Variants in TET3 observed in about 807,000 individuals in gnomAD.
TET3 encodes tet methylcytosine dioxygenase 3.
Under a neutral mutation model 141.4 loss-of-function variants are expected in TET3, and 19 were observed. That is an observed-to-expected ratio of 0.13 (90% CI 0.09 to 0.20). TET3 has a LOEUF of 0.20. Among genes scored for constraint, TET3 ranks in the 10% least tolerant of loss-of-function variants. The pLI is 1.00. For synonymous variants in TET3, 1,043 were observed against 980.9 expected (o/e 1.06, Z -1.18); for missense variants, 1,874 against 2,356.9 (o/e 0.80, Z 4.24).
chr2:74,047,468 G>A lies in TET3; in HGVS notation c.1551G>A (p.Glu517=). 1 of 1,612,488 alleles carries A rather than the reference G, an allele frequency of 6.2e-7. No individual in the cohort carries two copies. ...LQREAPTPSS[E]PDTHQKAQTA... ...GGGAGGCTCCCACGCCATCCTCGGAGCCCGACACCCACCAGAAGGCCCAGA... is the reference window on the plus strand; with the variant it reads ...GGGAGGCTCCCACGCCATCCTCGGAACCCGACACCCACCAGAAGGCCCAGA... The change falls in exon 4 of 12, where the codon GAG becomes GAA. Residue 517 remains glutamate, a synonymous_variant. Transcript: ENST00000409262.
Position 74,021,509 on chromosome 2 carries a change from A to G in TET3, c.360+18343A>G, listed in dbSNP as rs531144979. Among the ~76,000 whole-genome samples, 10 of 152,338 alleles carry G rather than the reference A, an allele frequency of 6.6e-5. No homozygotes were observed. In the South Asian group the frequency reaches 2.1e-3, roughly 32 times the overall value. ...TGCATATGGGAGGTGGGAAGAGACTACTGTCCCTGGTCAGCCTGTAAGAAC... is the reference window on the plus strand; with the variant it reads ...TGCATATGGGAGGTGGGAAGAGACTGCTGTCCCTGGTCAGCCTGTAAGAAC... On this transcript the variant is annotated intron_variant, in intron 3 of 11. Coordinates refer to ENST00000409262, the MANE Select transcript of TET3 (RefSeq NM_001287491.2).
At chr2:74,004,596 G>A (rs981357978) in intron 3 of TET3, among the ~76,000 whole-genome samples, 9 of 152,154 alleles carry the variant, frequency 5.9e-5, no homozygotes, top group East Asian at 1.9e-4. Flanking sequence ...AGGGGGCATC[G>A]GCTTCCCCGT....
chr2:73,997,590 G>A (rs1015890558), intron 2 of TET3, among the ~76,000 whole-genome samples: 5 of 152,088 alleles, frequency 3.3e-5, no homozygotes, highest in Admixed American at 6.6e-5. Flanking sequence ...TGTATCCTGG[G>A]TCCCAGGATC....
At chr2:74,092,027 G>A (rs928203481) in intron 8 of TET3, among the ~76,000 whole-genome samples, 1 of 152,188 alleles carries the variant, frequency 6.6e-6, no homozygotes, top group African/African-American at 2.4e-5. Flanking sequence ...ATTCAGGCCG[G>A]GCATTGTGGC....
At chr2:74,016,673 G>A (rs1228883653) in intron 3 of TET3, among the ~76,000 whole-genome samples, 1 of 151,908 alleles carries the variant, frequency 6.6e-6, no homozygotes, top group East Asian at 1.9e-4. Context: ...AGTGACCCAA[G>A]ATGGTGCCAC....
intron 10 of TET3, among the ~76,000 whole-genome samples, chr2:74,097,194 T>TGC (rs1690894573): frequency 1.7e-5 from 1 of 59,992 alleles, no homozygotes; most frequent in Non-Finnish European, 4.2e-5. Context: ...TAGCCATACA[T>TGC]GCACACACAC....
rs187528371 is a variant in TET3, at chr2:74,048,285, C to G, written c.2368C>G (p.Pro790Ala). The G allele has an allele frequency of 5.0e-6, 8 of 1,613,824 alleles. No individual in the cohort carries two copies. Among genetic ancestry groups the G allele is most frequent in the Middle Eastern group, 1.6e-4 (1 of 6,062 alleles). ...GGCCACACCCACCAAGGCTGAGAAC[C>G]CACTCACACCCACCCTCAGTGGCTT... ...QEATPTKAEN[P>A]LTPTLSGFLE... is the part of the protein sequence containing the mutation. The change falls in exon 4 of 12, where the codon CCA becomes GCA. Residue 790 changes from proline (P) to alanine (A), a missense_variant. Physicochemically the swap from Pro to Ala is conservative, Grantham distance 27. Coordinates refer to ENST00000409262, the MANE Select transcript of TET3 (RefSeq NM_001287491.2).
At position 73,992,505 on chromosome 2, in the gene TET3, G is replaced by C. The variant is rs186052561; in HGVS notation, c.303+5799G>C. Among the ~76,000 whole-genome samples the C allele has an allele frequency of 1.0e-3, 154 of 152,076 alleles. 2 individuals are homozygous for C. The highest frequency in any genetic ancestry group is 3.5e-3 in the African/African-American group (147 of 41,486). ...ATTTTTGTTTTTTTAGTAGAGAAGG[G>C]GGTTCACCATGTTCGCCAGGCTGGT... On this transcript the variant is annotated intron_variant, in intron 2 of 11. Transcript: ENST00000409262.
rs931524710 is a variant in TET3, at chr2:74,107,875, T to G, written c.*5699T>G. 2 of 152,344 alleles carry G rather than the reference T, an allele frequency of 1.3e-5. No individual in the cohort carries two copies. Among genetic ancestry groups the G allele is most frequent in the Non-Finnish European group, 2.9e-5 (2 of 68,044 alleles). The allele number at this position is 152,344 out of a possible 1,614,324, so 9.4% of individuals were successfully genotyped here. A position where few individuals can be genotyped will look rare whatever the true frequency, so the allele number is the denominator to read the frequency against. ...AGGATGTGTATTAAACTGTAGATAT[T>G]CTTAGTACAGTAAATTTATGCTGAT... On this transcript the variant is annotated 3_prime_UTR_variant, in exon 12 of 12. Coordinates refer to ENST00000409262, the MANE Select transcript of TET3 (RefSeq NM_001287491.2).
intron 10 of TET3, among the ~76,000 whole-genome samples, chr2:74,099,002 G>A (rs1022140086): frequency 5.9e-5 from 9 of 152,216 alleles, no homozygotes; most frequent in African/African-American, 2.2e-4. Flanking sequence ...TCCTGGCCAG[G>A]CCCCTTGCCA....
chr2:74,108,760 T>TC (rs1691634796), downstream of TET3, among the ~76,000 whole-genome samples: 1 of 152,190 alleles, frequency 6.6e-6, no homozygotes, highest in Admixed American at 6.5e-5. Context: ...TGCTTGCTCT[T>TC]CCTCCTTCCT....
intron 3 of TET3, among the ~76,000 whole-genome samples, chr2:74,008,177 C>T (rs1360842416): frequency 6.6e-6 from 1 of 152,180 alleles, no homozygotes; most frequent in Non-Finnish European, 1.5e-5. Flanking sequence ...CTCTTCTATA[C>T]CCTCCATCTT....
At chr2:74,109,036 A>ATGTT (rs1335706821), downstream of TET3, among the ~76,000 whole-genome samples, 11 of 151,990 alleles carry the variant, frequency 7.2e-5, no homozygotes, top group Admixed American at 6.6e-4. Context: ...ATCCTCAAAC[A>ATGTT]TGTTTATATG....
In TET3 at chr2:74,003,183, C is replaced by CGTGCGTGTGT. The variant is rs57360501; in HGVS notation, c.360+31_360+40dup. The stretch of plus-strand genomic sequence containing the variant: ...GCTGTCAAGGTACCTTGTGTGTGTG[C>CGTGCGTGTGT]GTGCGTGTGTGTGCGTGTGTGTGGT... On this transcript the variant is annotated intron_variant, in intron 3 of 11. Transcript: ENST00000409262. The CGTGCGTGTGT allele has an allele frequency of 1.3e-6, 2 of 1,549,168 alleles. No homozygotes were observed. The highest frequency in any genetic ancestry group is 1.2e-5 in the South Asian group (1 of 84,000).
At chr2:74,016,661 G>T (rs974554207) in intron 3 of TET3, among the ~76,000 whole-genome samples, 3 of 151,758 alleles carry the variant, frequency 2.0e-5, no homozygotes, top group African/African-American at 7.3e-5. Context: ...AGCGGAGGTT[G>T]CAGTGACCCA....
At chr2:73,986,751 A>C (rs1684047274) in intron 2 of TET3, 45 bp downstream of exon 2, 1 of 1,228,258 alleles carries the variant, frequency 8.1e-7, no homozygotes, top group Non-Finnish European at 1.0e-6. Flanking sequence ...CCTCGAGGGC[A>C]CGGTGATCAC....
At chr2:74,007,485 A>C (rs1392556041) in intron 3 of TET3, among the ~76,000 whole-genome samples, 1 of 152,218 alleles carries the variant, frequency 6.6e-6, no homozygotes, top group East Asian at 1.9e-4. Flanking sequence ...AGATTCTGAA[A>C]GCTGGATGGA....
intron 2 of TET3, among the ~76,000 whole-genome samples, chr2:73,987,735 T>C (rs1279497141): frequency 1.3e-5 from 2 of 152,234 alleles, no homozygotes; most frequent in African/African-American, 4.8e-5. Context: ...TCTGGGCCTG[T>C]CTTTTCCTTG....
intron 3 of TET3, among the ~76,000 whole-genome samples, chr2:74,023,029 G>T (rs191933584): frequency 1.1e-3 from 163 of 152,216 alleles, no homozygotes; most frequent in Admixed American, 1.8e-3. Context: ...GTTGACCTCT[G>T]CCTCCCAAAG....
Sources: allele counts gnomAD v4.1 joint callset (sites outside exome capture counted in the v4.1 genomes callset), GRCh38; gene constraint gnomAD v4.1.1; transcripts MANE v1.5; gene names NCBI Gene and HGNC (gene_info 2026-07-23, HGNC 2026-07-21).